The following CRY1 variants were observed in gnomAD, a reference collection of about 807,000 sequenced individuals.
CRY1 encodes cryptochrome-1.
Under a neutral mutation model 76.0 loss-of-function variants are expected in CRY1, and 45 were observed. That is an observed-to-expected ratio of 0.59 (90% CI 0.47 to 0.76). The LOEUF is 0.76. Ranked by LOEUF, CRY1 falls within the 30% of genes least tolerant of loss-of-function variation. CRY1 has a pLI of 0.00. For missense variants in CRY1, 587 were observed against 716.4 expected (o/e 0.82, Z 2.06); for synonymous variants, 248 against 244.0 (o/e 1.02, Z -0.15).
At chr12:107,003,807 ATTT>A (rs200134178) in intron 3 of CRY1, among the ~76,000 whole-genome samples, 2 of 138,988 alleles carry the variant, frequency 1.4e-5, no homozygotes, top group Admixed American at 7.2e-5. Flanking sequence ...TAAACACTTG[ATTT>A]TTTTTTTTTT....
intron 1 of CRY1, among the ~76,000 whole-genome samples, chr12:107,085,327 G>A (rs1325608061): frequency 1.3e-5 from 2 of 152,104 alleles, no homozygotes; most frequent in African/African-American, 4.8e-5. Context: ...ATACCCAAAG[G>A]ATTATAAATC....
At chr12:107,048,841 C>T (rs1952880346) in intron 1 of CRY1, among the ~76,000 whole-genome samples, 1 of 152,138 alleles carries the variant, frequency 6.6e-6, no homozygotes, top group African/African-American at 2.4e-5. Flanking sequence ...GTTTTTAAAT[C>T]CATAATTGAT....
chr12:107,003,166 C>T (rs1757776987), intron 3 of CRY1, among the ~76,000 whole-genome samples: 1 of 152,150 alleles, frequency 6.6e-6, no homozygotes, highest in African/African-American at 2.4e-5. Flanking sequence ...ATGTCACATA[C>T]TTAGAACACA....
chr12:107,071,897 G>A (rs1022420698), intron 1 of CRY1, among the ~76,000 whole-genome samples: 1 of 151,904 alleles, frequency 6.6e-6, no homozygotes, highest in African/African-American at 2.4e-5. Context: ...AAGAAACCTA[G>A]AATAACCAAT....
intron 1 of CRY1, among the ~76,000 whole-genome samples, chr12:107,049,294 G>A (rs1408240863): frequency 6.6e-6 from 1 of 151,994 alleles, no homozygotes; most frequent in African/African-American, 2.4e-5. Flanking sequence ...TTGCATTAAG[G>A]AAAAAACAGC....
At chr12:107,058,857 A>G (rs1953015840) in intron 1 of CRY1, among the ~76,000 whole-genome samples, 2 of 152,232 alleles carry the variant, frequency 1.3e-5, no homozygotes, top group South Asian at 2.1e-4. Flanking sequence ...CTGTACCCAT[A>G]CAGCTCTTGA....
chr12:107,014,925 T>C (rs1254686143), intron 2 of CRY1, among the ~76,000 whole-genome samples: 1 of 152,224 alleles, frequency 6.6e-6, no homozygotes, highest in Non-Finnish European at 1.5e-5. Context: ...TTGCGCAGGC[T>C]AGAGCACAGT....
chr12:107,020,174 C>A, intron 2 of CRY1, among the ~76,000 whole-genome samples: 1 of 121,154 alleles, frequency 8.3e-6, no homozygotes. Flanking sequence ...TTAAATGTGT[C>A]TTTCATACAA....
chr12:107,093,022 C>G lies in CRY1; in HGVS notation c.-61G>C. The G allele has an allele frequency of 6.9e-7, 1 of 1,446,022 alleles. No individual in the cohort carries two copies. Among genetic ancestry groups the G allele is most frequent in the East Asian group, 2.5e-5 (1 of 40,208 alleles). 89.6% of individuals were successfully genotyped at this position (1,446,022 alleles called of 1,614,324 possible). ...CAAGGAAGGAGGCTCCGGCTCATAG[C>G]CGACACCTTCGCTTCCAAGAGAATT... On this transcript the variant is annotated 5_prime_UTR_variant, in exon 1 of 13. Transcript: ENST00000008527.
chr12:107,084,955 G>A (rs1421295876), intron 1 of CRY1, among the ~76,000 whole-genome samples: 1 of 149,482 alleles, frequency 6.7e-6, no homozygotes, highest in African/African-American at 2.5e-5. Context: ...AAATCTACAA[G>A]GAACTTAAAC....
chr12:107,069,663 TA>T, intron 1 of CRY1, among the ~76,000 whole-genome samples: 1 of 137,686 alleles, frequency 7.3e-6, no homozygotes, highest in East Asian at 2.0e-4. Flanking sequence ...AAAGTATATA[TA>T]AAGTATATAT....
Position 107,005,215 on chromosome 12 carries a change from C to G in CRY1, c.301G>C (p.Asp101His). The G allele has an allele frequency of 1.2e-6, 2 of 1,613,252 alleles. No individual in the cohort carries two copies. Among genetic ancestry groups the G allele is most frequent in the Non-Finnish European group, 1.7e-6 (2 of 1,179,702 alleles). The part of the protein sequence containing the change: ...WNITKLSIEY[D>H]SEPFGKERDA... ...CGTTCCTTTCCAAAGGGCTCAGAAT[C>G]ATACTCAATTGAAAGTTTAGTAATG... is the stretch of plus-strand genomic sequence containing the variant. Residue 101 changes from aspartate to histidine, a missense_variant, in exon 3 of 13, where the codon GAT becomes CAT. By Grantham distance (81) the Asp-to-His change is moderately conservative. Transcript: ENST00000008527.
chr12:106,998,879 C>T (rs1176412001), intron 7 of CRY1, among the ~76,000 whole-genome samples: 1 of 151,740 alleles, frequency 6.6e-6, no homozygotes, highest in Non-Finnish European at 1.5e-5. Flanking sequence ...CCTCTCTCTA[C>T]TAAAAATGCA....
At chr12:107,003,465 C>T (rs771096562) in intron 3 of CRY1, among the ~76,000 whole-genome samples, 17 of 152,090 alleles carry the variant, frequency 1.1e-4, no homozygotes, top group Non-Finnish European at 2.2e-4. Flanking sequence ...AACTGATAAA[C>T]GGCAAATCAA....
intron 2 of CRY1, 136 bp from the exon 3 acceptor site, chr12:107,005,384 G>T: frequency 1.1e-6 from 1 of 872,440 alleles, no homozygotes; most frequent in Non-Finnish European, 1.7e-6. Context: ...GCAGGAAAAA[G>T]TAAACAATTT....
chr12:107,023,390 T>G (rs924089343), intron 1 of CRY1, among the ~76,000 whole-genome samples: 1 of 152,222 alleles, frequency 6.6e-6, no homozygotes, highest in African/African-American at 2.4e-5. Flanking sequence ...CAGCCACATG[T>G]ATAGCTGGTG....
intron 1 of CRY1, among the ~76,000 whole-genome samples, chr12:107,026,166 T>TTAC (rs1312666192): frequency 4.9e-5 from 1 of 20,608 alleles, no homozygotes; most frequent in Non-Finnish European, 8.1e-5. Flanking sequence ...AAAATATATA[T>TTAC]ATATATATTA....
intron 1 of CRY1, among the ~76,000 whole-genome samples, chr12:107,055,444 A>G (rs1383872091): frequency 6.6e-6 from 1 of 152,154 alleles, no homozygotes; most frequent in East Asian, 1.9e-4. Flanking sequence ...AAATAATTGT[A>G]TCAGATAAAA....
chr12:107,019,470 TC>T (rs2136841738), intron 2 of CRY1, among the ~76,000 whole-genome samples: 1 of 152,308 alleles, frequency 6.6e-6, no homozygotes, highest in African/African-American at 2.4e-5. Context: ...GGAAACCCAT[TC>T]CTCTCTGCCA....
Sources: allele counts gnomAD v4.1 joint callset (sites outside exome capture counted in the v4.1 genomes callset), GRCh38; gene constraint gnomAD v4.1.1; transcripts MANE v1.5; gene names NCBI Gene and HGNC (gene_info 2026-07-23, HGNC 2026-07-21).